Variants in GON4L observed in about 807,000 individuals in gnomAD.
The protein encoded by GON4L is GON-4-like protein.
Under a neutral mutation model 211.8 loss-of-function variants are expected in GON4L, and 87 were observed. The ratio of observed to expected loss-of-function variants is 0.41; its 90% CI spans 0.35 to 0.49. The LOEUF (loss-of-function observed/expected upper bound fraction) is 0.49. GON4L is among the 20% of genes least tolerant of loss of function. The probability of loss-of-function intolerance (pLI) is 0.15; values close to 1 mark genes in which losing one functional copy is unlikely to be tolerated. For missense variants in GON4L, 2,155 were observed against 2,659.5 expected, an observed-to-expected ratio of 0.81 and a Z score of 4.17; for synonymous variants, 875 against 962.6, an observed-to-expected ratio of 0.91 and a Z score of 1.68.
chr1:155,818,071 G>A (rs1668408915), intron 6 of GON4L, among the ~76,000 whole-genome samples: 1 of 151,500 alleles, frequency 6.6e-6, no homozygotes, highest in African/African-American at 2.4e-5. Flanking sequence ...AGCCTAATTT[G>A]ATCTCCTTGG....
intron 2 of GON4L, among the ~76,000 whole-genome samples, chr1:155,829,962 T>G (rs996651001): frequency 6.6e-6 from 1 of 151,978 alleles, no homozygotes; most frequent in Non-Finnish European, 1.5e-5. Context: ...TTTGTTTTTT[T>G]TTTTTCCAGA....
chr1:155,759,652 C>T (rs1661565186), intron 24 of GON4L, among the ~76,000 whole-genome samples: 1 of 151,502 alleles, frequency 6.6e-6, no homozygotes, highest in South Asian at 2.1e-4. Flanking sequence ...AAATGGGCAT[C>T]ACACATTATA....
intron 2 of GON4L, among the ~76,000 whole-genome samples, chr1:155,840,417 A>G (rs1439076320): frequency 6.6e-6 from 1 of 152,142 alleles, no homozygotes; most frequent in Non-Finnish European, 1.5e-5. Context: ...CATCTTTTAC[A>G]AATGCCCCCA....
intron 10 of GON4L, among the ~76,000 whole-genome samples, chr1:155,807,969 T>TC (rs1164748725): frequency 6.6e-6 from 1 of 152,002 alleles, no homozygotes; most frequent in African/African-American, 2.4e-5. Context: ...CTAGTCCATT[T>TC]CCCACACGTT....
intron 10 of GON4L, among the ~76,000 whole-genome samples, chr1:155,808,634 G>GT (rs901028348): frequency 1.2e-4 from 18 of 151,668 alleles, no homozygotes; most frequent in Admixed American, 1.2e-3. Context: ...TTTTCTTTTT[G>GT]TTTTTTGTTT....
Position 155,756,513 on chromosome 1 carries a change from A to C in GON4L, c.5517+445T>G, listed in dbSNP as rs57110733. 865 of 172,820 alleles carry C rather than the reference A, an allele frequency of 5.0e-3. 7 individuals are homozygous for C. The highest frequency in any genetic ancestry group is 0.019 in the African/African-American group (810 of 41,780). 10.7% of individuals were successfully genotyped at this position (172,820 alleles called of 1,614,324 possible). ...GGTTTGTTCTCCGTGATCGTCTCAG[A>C]TCCTAGAGCCTTTGAACTAGAAACC... On this transcript the variant is annotated intron_variant, in intron 27 of 31. Transcript: ENST00000368331.
At chr1:155,748,857 C>T (rs543901623), downstream of GON4L, 23 of 1,452,890 alleles carry the variant, frequency 1.6e-5, no homozygotes, top group African/African-American at 1.1e-4. Context: ...CCTAATTTCT[C>T]GGGCATTCTA....
At chr1:155,768,501 C>G (rs1205704863) in intron 19 of GON4L, among the ~76,000 whole-genome samples, 1 of 150,850 alleles carries the variant, frequency 6.6e-6, no homozygotes, top group African/African-American at 2.4e-5. Flanking sequence ...GTCCCAGCTA[C>G]TCAGGAGGCT....
upstream of GON4L, chr1:155,857,336 C>T (rs1183387852): frequency 2.6e-5 from 4 of 152,342 alleles, no homozygotes; most frequent in African/African-American, 9.6e-5. Context: ...GTTAGTGCGT[C>T]AGTTATTGGC....
intron 12 of GON4L, among the ~76,000 whole-genome samples, chr1:155,793,077 A>C (rs1665759163): frequency 6.6e-6 from 1 of 151,104 alleles, no homozygotes; most frequent in South Asian, 2.1e-4. Flanking sequence ...CAGCCAAAAG[A>C]CTCTTCCTTT....
At chr1:155,832,937 T>A (rs1264134045) in intron 2 of GON4L, 1 of 151,482 alleles carries the variant, frequency 6.6e-6, no homozygotes, top group Non-Finnish European at 1.5e-5. Flanking sequence ...CCTCTCTGTT[T>A]TGTGTTACAT....
At chr1:155,824,778 AAAG>A (rs751407941) in intron 3 of GON4L, among the ~76,000 whole-genome samples, 2,767 of 149,294 alleles carry the variant, frequency 0.019, 45 homozygotes, top group Middle Eastern at 0.1. Context: ...AAAAAAAAAA[AAAG>A]AAGAAGAAGA....
At chr1:155,802,315 G>GGGT (rs1553208370) in intron 11 of GON4L, among the ~76,000 whole-genome samples, 2 of 146,320 alleles carry the variant, frequency 1.4e-5, no homozygotes, top group African/African-American at 4.9e-5. Flanking sequence ...TTTTCCTTGG[G>GGGT]GGGGGGGAAG....
At chr1:155,754,161 AT>A in intron 28 of GON4L, 1 of 602,028 alleles carries the variant, frequency 1.7e-6, no homozygotes, top group Non-Finnish European at 3.0e-6. Context: ...TGTTTTTCCA[AT>A]TCCAAAAGCT....
intron 2 of GON4L, among the ~76,000 whole-genome samples, chr1:155,833,883 A>C (rs1198417418): frequency 6.6e-6 from 1 of 151,872 alleles, no homozygotes; most frequent in East Asian, 1.9e-4. Flanking sequence ...GTTGCAATGC[A>C]GTGGTGCGAT....
intron 11 of GON4L, among the ~76,000 whole-genome samples, chr1:155,795,702 C>T (rs1459573504): frequency 1.3e-5 from 2 of 152,020 alleles, no homozygotes; most frequent in Non-Finnish European, 2.9e-5. Flanking sequence ...TGCAGTGGCA[C>T]GATCATGGCT....
At chr1:155,799,225 A>C (rs2102026468) in intron 11 of GON4L, among the ~76,000 whole-genome samples, 1 of 152,178 alleles carries the variant, frequency 6.6e-6, no homozygotes, top group East Asian at 1.9e-4. Flanking sequence ...ACCTGAGGTT[A>C]GGAGTTCAAG....
In GON4L at chr1:155,813,716, G is replaced by C; in HGVS notation, c.1370C>G (p.Thr457Ser). ...GPPPPPKPKQ[T>S]RDSTFMEKLH... ...CTTCTCCATGAAAGTACTATCTCTG[G>C]TCTGTTTCGGCTTTGGAGGGGGCGG... Residue 457 changes from threonine (T) to serine (S), a missense_variant, in exon 10 of 32, where the codon ACC becomes AGC. Physicochemically the swap from Thr to Ser is moderately conservative, Grantham distance 58 (BLOSUM62 1). Around this residue, in one of 6 missense-constraint regions of GON4L, gnomAD observed 551 missense variants for 854.0 expected, o/e 0.65. Transcript: ENST00000368331. 1 of 1,613,442 alleles carries C rather than the reference G, an allele frequency of 6.2e-7. No individual in the cohort carries two copies. Among genetic ancestry groups the C allele is most frequent in the South Asian group, 1.1e-5 (1 of 91,068 alleles).
Position 155,853,387 on chromosome 1 carries a change from T to TC in GON4L, c.393dup (p.Lys132GlufsTer17). On this transcript the variant is annotated frameshift_variant, in exon 2 of 32. Transcript: ENST00000368331. LOFTEE classifies it high-confidence loss of function. ...GGCCCAGGCCTGAGTGTCATTTTTTTCCCTCTCTTTGAGCCAGTAGCGTGG... is the reference window on the plus strand; with the variant it reads ...GGCCCAGGCCTGAGTGTCATTTTTTTCCCCTCTCTTTGAGCCAGTAGCGTGG... 1 of 1,614,184 alleles carries TC rather than the reference T, an allele frequency of 6.2e-7. No individual in the cohort carries two copies. Among genetic ancestry groups the TC allele is most frequent in the Non-Finnish European group, 8.5e-7 (1 of 1,180,022 alleles).
Sources: allele counts gnomAD v4.1 joint callset (sites outside exome capture counted in the v4.1 genomes callset), GRCh38; gene constraint gnomAD v4.1.1; regional missense constraint gnomAD v4.1.1; transcripts MANE v1.5; gene names NCBI Gene and HGNC (gene_info 2026-07-23, HGNC 2026-07-21).